Variants in ADD2 observed in about 807,000 individuals in gnomAD.
ADD2 encodes the protein adducin 2.
Under a neutral mutation model 83.0 loss-of-function variants are expected in ADD2, and 23 were observed. The ratio of observed to expected loss-of-function variants is 0.28; its 90% CI spans 0.20 to 0.39. The LOEUF is 0.39. Among genes scored for constraint, ADD2 ranks in the 10% least tolerant of loss-of-function variants. ADD2 has a pLI of 1.00. For missense variants in ADD2, 758 were observed against 944.9 expected, an observed-to-expected ratio of 0.80 and a Z score of 2.59; for synonymous variants, 375 against 375.4, an observed-to-expected ratio of 1.00 and a Z score of 0.01.
At chr2:70,719,958 C>T (rs1452800356) in intron 1 of ADD2, among the ~76,000 whole-genome samples, 1 of 152,160 alleles carries the variant, frequency 6.6e-6, no homozygotes, top group Admixed American at 6.5e-5. Flanking sequence ...CAACCACCCC[C>T]CACCAAGAAA....
intron 1 of ADD2, among the ~76,000 whole-genome samples, chr2:70,728,973 A>G (rs1445174564): frequency 2.0e-5 from 3 of 152,228 alleles, no homozygotes; most frequent in Non-Finnish European, 4.4e-5. Flanking sequence ...CAAACTCTCA[A>G]AGATACGCTG....
intron 7 of ADD2, chr2:70,691,906 AGT>A (rs1671059872): frequency 6.6e-6 from 1 of 152,412 alleles, no homozygotes; most frequent in African/African-American, 2.4e-5. Flanking sequence ...GTGACATCGC[AGT>A]GTCTTAGGTA....
At chr2:70,762,933 T>C (rs1675196728) in intron 1 of ADD2, among the ~76,000 whole-genome samples, 1 of 151,774 alleles carries the variant, frequency 6.6e-6, no homozygotes, top group Non-Finnish European at 1.5e-5. Flanking sequence ...CTGGAACTCC[T>C]GACCTCAGGT....
chr2:70,764,361 C>G (rs782049309), intron 1 of ADD2, among the ~76,000 whole-genome samples: 1 of 151,844 alleles, frequency 6.6e-6, no homozygotes, highest in Admixed American at 6.6e-5. Context: ...GATGAACTGG[C>G]GTGAGATCTT....
chr2:70,746,601 C>T, intron 1 of ADD2, among the ~76,000 whole-genome samples: 1 of 152,186 alleles, frequency 6.6e-6, no homozygotes, highest in South Asian at 2.1e-4. Flanking sequence ...CTCACGCAGT[C>T]TGACTCTACC....
At chr2:70,713,007 G>T in intron 2 of ADD2, 59 bp downstream of exon 2, 1 of 762,072 alleles carries the variant, frequency 1.3e-6, no homozygotes, top group Non-Finnish European at 1.6e-6. Flanking sequence ...CTCACGTGAT[G>T]GGCCCAGCCA....
chr2:70,719,256 T>A (rs182656082), intron 1 of ADD2, among the ~76,000 whole-genome samples: 56 of 152,302 alleles, frequency 3.7e-4, no homozygotes, highest in African/African-American at 1.3e-3. Context: ...AATACAATCC[T>A]TCCACTAAAA....
At position 70,683,663 on chromosome 2, in the gene ADD2, G is replaced by A. The variant is rs782175636; in HGVS notation, c.1053C>T (p.Thr351=). ...GCCGACTCTTCTGCATAGGCCCAAA[G>A]GTGCTCCCGGCCCACTGCACGGAGC... ...EVGSVQWAGS[T]FGPMQKSRLG... is the part of the protein sequence containing the mutation. Residue 351 remains threonine, a synonymous_variant, in exon 10 of 16, where the codon ACC becomes ACT. Transcript: ENST00000264436. 3.7e-6 allele frequency: 6 copies of A among 1,614,028 alleles called. No individual in the cohort carries two copies. The South Asian group carries it at 6.6e-5, about 18-fold the overall frequency.
rs566604226 is a variant in ADD2 at position 70,662,175 on chromosome 2, C to T, written c.*1250G>A. On this transcript the variant is annotated 3_prime_UTR_variant, in exon 16 of 16. Transcript: ENST00000264436. ...TAATTTTTAGGAGCCAACAAATGCT[C>T]ATTAATCAATGCCCCACGGAAGAAC... 7.2e-5 allele frequency: 11 copies of T among 152,320 alleles called. No homozygotes were observed. The highest frequency in any genetic ancestry group is 2.6e-4 in the African/African-American group (11 of 41,574). 9.4% of individuals were successfully genotyped at this position (152,320 alleles called of 1,614,324 possible).
chr2:70,729,398 A>C (rs1178016868), intron 1 of ADD2, among the ~76,000 whole-genome samples: 3 of 152,164 alleles, frequency 2.0e-5, no homozygotes, highest in South Asian at 4.2e-4. Context: ...TACCTGCGTA[A>C]ATTTTCTGCA....
intron 2 of ADD2, among the ~76,000 whole-genome samples, chr2:70,711,477 G>C (rs1672175863): frequency 6.6e-6 from 1 of 152,124 alleles, no homozygotes; most frequent in African/African-American, 2.4e-5. Context: ...TAGAGATTGA[G>C]TCCAGACAAG....
chr2:70,745,072 G>A (rs1024710314), intron 1 of ADD2, among the ~76,000 whole-genome samples: 19 of 152,210 alleles, frequency 1.2e-4, no homozygotes, highest in Non-Finnish European at 2.4e-4. Context: ...GGATCTTGAG[G>A]TCAGGAGATC....
At chr2:70,679,023 C>T (rs1670324133) in intron 10 of ADD2, 62 bp from the exon 11 acceptor site, 1 of 1,509,868 alleles carries the variant, frequency 6.6e-7, no homozygotes, top group Non-Finnish European at 8.9e-7. Flanking sequence ...CCTGCACATA[C>T]ATGCACACAC....
At position 70,735,858 on chromosome 2, in the gene ADD2, C is replaced by CTTTT. The variant is rs374727628; in HGVS notation, c.-153-22678_-153-22675dup. On this transcript the variant is annotated intron_variant, in intron 1 of 15. Coordinates refer to ENST00000264436, the MANE Select transcript of ADD2 (RefSeq NM_001617.4). Reference sequence around the variant, plus strand: ...CTTAGGTGCCCGCAGCCATGCCCGGCTTTTTTTTTTTTTTTTTTTTTTTTA... The same window carrying CTTTT: ...CTTAGGTGCCCGCAGCCATGCCCGGCTTTTTTTTTTTTTTTTTTTTTTTTTTTTA... 4.1e-3 allele frequency among the ~76,000 whole-genome samples: 294 copies of CTTTT among 72,200 alleles called. 5 individuals are homozygous for CTTTT. Among genetic ancestry groups the CTTTT allele is most frequent in the South Asian group, 5.5e-3 (8 of 1,454 alleles). 47.4% of individuals were successfully genotyped at this position (72,200 alleles called of 152,430 possible).
At chr2:70,755,884 C>G (rs556162763) in intron 1 of ADD2, among the ~76,000 whole-genome samples, 2 of 151,926 alleles carry the variant, frequency 1.3e-5, no homozygotes, top group South Asian at 4.2e-4. Context: ...CATGGTGAAA[C>G]CCTGTCTCTA....
chr2:70,717,930 C>T (rs1553376699), intron 1 of ADD2, among the ~76,000 whole-genome samples: 1 of 152,060 alleles, frequency 6.6e-6, no homozygotes, highest in African/African-American at 2.4e-5. Flanking sequence ...ATCATTTAAG[C>T]CAAAAATAGT....
intron 4 of ADD2, among the ~76,000 whole-genome samples, chr2:70,702,128 T>C (rs1671614263): frequency 6.6e-6 from 1 of 152,320 alleles, no homozygotes; most frequent in African/African-American, 2.4e-5. Context: ...ATTTTTAAGG[T>C]CAATGGGGGG....
chr2:70,713,238 C>T (rs1243161447), intron 1 of ADD2, 54 bp from the exon 2 acceptor site: 7 of 744,488 alleles, frequency 9.4e-6, no homozygotes, highest in Non-Finnish European at 1.1e-5. Context: ...TGACTCTTCA[C>T]CTGATTTATA....
intron 1 of ADD2, among the ~76,000 whole-genome samples, chr2:70,736,482 T>A (rs782431000): frequency 1.2e-4 from 19 of 152,236 alleles, no homozygotes; most frequent in Non-Finnish European, 2.2e-4. Context: ...TTAGAATTTT[T>A]AAGTATTTTT....
Sources: allele counts gnomAD v4.1 joint callset (sites outside exome capture counted in the v4.1 genomes callset), GRCh38; gene constraint gnomAD v4.1.1; transcripts MANE v1.5; gene names NCBI Gene and HGNC (gene_info 2026-07-23, HGNC 2026-07-21).